Variants in MAN1A1 observed in about 807,000 individuals in gnomAD.
MAN1A1 encodes the protein mannosyl-oligosaccharide 1,2-alpha-mannosidase IA.
MAN1A1 carries 29 observed loss-of-function variants against 70.8 expected under a neutral mutation model. The observed-to-expected ratio is 0.41, with a 90% CI of 0.31 to 0.56. MAN1A1 has a LOEUF of 0.56. Ranked by LOEUF, MAN1A1 falls within the 20% of genes least tolerant of loss-of-function variation. The pLI is 0.29. For missense variants in MAN1A1, 747 were observed against 841.3 expected, an observed-to-expected ratio of 0.89 and a Z score of 1.39; for synonymous variants, 349 against 330.1, an observed-to-expected ratio of 1.06 and a Z score of -0.62.
intron 6 of MAN1A1, among the ~76,000 whole-genome samples, chr6:119,214,241 G>C (rs1430669490): frequency 6.6e-6 from 1 of 152,080 alleles, no homozygotes; most frequent in African/African-American, 2.4e-5. Flanking sequence ...TGGGATTCCA[G>C]GTGTGAGCCA....
At chr6:119,258,599 C>T (rs1162733257) in intron 5 of MAN1A1, among the ~76,000 whole-genome samples, 2 of 152,108 alleles carry the variant, frequency 1.3e-5, no homozygotes, top group African/African-American at 4.8e-5. Context: ...CTGAAACCTA[C>T]CCCCACAGAT....
At chr6:119,262,528 G>A (rs547280532) in intron 5 of MAN1A1, among the ~76,000 whole-genome samples, 24 of 152,134 alleles carry the variant, frequency 1.6e-4, no homozygotes, top group African/African-American at 5.8e-4. Flanking sequence ...CTCACTGCTG[G>A]TGGGAATGTA....
chr6:119,290,968 C>G (rs1776522658), intron 4 of MAN1A1, among the ~76,000 whole-genome samples: 1 of 151,686 alleles, frequency 6.6e-6, no homozygotes, highest in Admixed American at 6.6e-5. Flanking sequence ...ACTAACGGAC[C>G]CCCAAAATAC....
chr6:119,191,453 T>C (rs1773440133), intron 9 of MAN1A1, among the ~76,000 whole-genome samples: 1 of 152,158 alleles, frequency 6.6e-6, no homozygotes, highest in Non-Finnish European at 1.5e-5. Context: ...GCAATAATTT[T>C]GTGTGGCCAT....
At chr6:119,311,040 T>C (rs1772686821) in intron 2 of MAN1A1, among the ~76,000 whole-genome samples, 1 of 152,194 alleles carries the variant, frequency 6.6e-6, no homozygotes, top group South Asian at 2.1e-4. Flanking sequence ...CCATCGTCAG[T>C]GTGACTCTAA....
intron 5 of MAN1A1, among the ~76,000 whole-genome samples, chr6:119,268,724 G>A (rs536289302): frequency 6.6e-6 from 1 of 151,950 alleles, no homozygotes; most frequent in African/African-American, 2.4e-5. Flanking sequence ...GTAGCTGGGA[G>A]TACAGGCATG....
chr6:119,264,507 T>C (rs552292896), intron 5 of MAN1A1, among the ~76,000 whole-genome samples: 1 of 152,344 alleles, frequency 6.6e-6, no homozygotes, highest in South Asian at 2.1e-4. Context: ...TTTGCTGTTA[T>C]ATTTAAGAGT....
At chr6:119,189,917 ATCTCT>A in intron 9 of MAN1A1, 34 bp from the exon 10 acceptor site, 1 of 1,501,972 alleles carries the variant, frequency 6.7e-7, no homozygotes, top group Non-Finnish European at 9.2e-7. Flanking sequence ...ACATTTTGTA[ATCTCT>A]TCTCAAATTT....
intron 5 of MAN1A1, among the ~76,000 whole-genome samples, chr6:119,254,561 A>G (rs1775410758): frequency 6.6e-6 from 1 of 152,154 alleles, no homozygotes; most frequent in South Asian, 2.1e-4. Flanking sequence ...TGGTACCTCT[A>G]TTTGGTGGGG....
At chr6:119,189,555 T>C in intron 10 of MAN1A1, 109 bp downstream of exon 10, 3 of 939,234 alleles carry the variant, frequency 3.2e-6, no homozygotes, top group Admixed American at 3.9e-5. Flanking sequence ...ATCACGATCA[T>C]CAAGCTTCAT....
chr6:119,216,898 C>T (rs1354016484), intron 6 of MAN1A1, among the ~76,000 whole-genome samples: 1 of 152,150 alleles, frequency 6.6e-6, no homozygotes, highest in Non-Finnish European at 1.5e-5. Context: ...GGTGCTCTGC[C>T]TAATTACAGC....
At chr6:119,284,026 A>G (rs1179988296) in intron 5 of MAN1A1, among the ~76,000 whole-genome samples, 1 of 152,118 alleles carries the variant, frequency 6.6e-6, no homozygotes, top group African/African-American at 2.4e-5. Flanking sequence ...CAACCAGAAC[A>G]TCAACTTTTT....
In MAN1A1 at chr6:119,224,359, G is replaced by C. The variant is rs550280060; in HGVS notation, c.993-19477C>G. 7.2e-5 allele frequency among the ~76,000 whole-genome samples: 11 copies of C among 152,286 alleles called. No homozygotes were observed. In the South Asian group the frequency reaches 1.9e-3, roughly 26 times the overall value. ...CTGAAGTGTCAGAAGACAGAGCTTA[G>C]CAATGTCTACAAAATTTGCCAAAAT... On this transcript the variant is annotated intron_variant, in intron 6 of 12. Coordinates refer to ENST00000368468, the MANE Select transcript of MAN1A1 (RefSeq NM_005907.4).
chr6:119,245,625 C>T (rs911591843), intron 6 of MAN1A1, among the ~76,000 whole-genome samples: 4 of 151,962 alleles, frequency 2.6e-5, no homozygotes, highest in African/African-American at 7.2e-5. Context: ...TTAATTTTGC[C>T]AGTGCTTATT....
At chr6:119,265,068 TA>T (rs2114362041) in intron 5 of MAN1A1, among the ~76,000 whole-genome samples, 1 of 151,594 alleles carries the variant, frequency 6.6e-6, no homozygotes, top group South Asian at 2.1e-4. Flanking sequence ...TTTCCTGAGA[TA>T]CATTTTGGAC....
chr6:119,290,879 T>G (rs181856731), intron 4 of MAN1A1, 116 bp from the exon 5 acceptor site: 22 of 648,262 alleles, frequency 3.4e-5, no homozygotes, highest in Admixed American at 1.7e-4. Context: ...CCCAGAGAAG[T>G]TTATATACAG....
intron 3 of MAN1A1, among the ~76,000 whole-genome samples, chr6:119,305,951 C>A (rs113403643): frequency 6.6e-6 from 1 of 152,108 alleles, no homozygotes; most frequent in Non-Finnish European, 1.5e-5. Flanking sequence ...TAGTAGGTGG[C>A]TATCTCTGGG....
chr6:119,242,323 T>C (rs1775035069), intron 6 of MAN1A1, among the ~76,000 whole-genome samples: 1 of 152,120 alleles, frequency 6.6e-6, no homozygotes, highest in Admixed American at 6.6e-5. Flanking sequence ...TTAGTTTTGA[T>C]CCTATAGGTT....
intron 2 of MAN1A1, among the ~76,000 whole-genome samples, 180 bp from the exon 3 acceptor site, chr6:119,307,172 C>T (rs1332610828): frequency 6.6e-6 from 1 of 152,154 alleles, no homozygotes; most frequent in East Asian, 1.9e-4. Flanking sequence ...CATGCTGGTA[C>T]ACATACACAC....
Sources: gnomAD v4.1 joint callset for allele counts (sites outside exome capture counted in the v4.1 genomes callset) on GRCh38, gnomAD v4.1.1 for gene constraint, MANE v1.5 for transcripts, NCBI Gene and HGNC (gene_info 2026-07-23, HGNC 2026-07-21) for gene names.